CCBE1: variants seen among roughly 807,000 people sequenced by gnomAD.
CCBE1 encodes the protein collagen and calcium binding EGF domains 1.
A neutral mutation model predicts 50.0 loss-of-function variants in CCBE1; 37 were observed. That is an observed-to-expected ratio of 0.74 (90% CI 0.57 to 0.97). The LOEUF (loss-of-function observed/expected upper bound fraction) is 0.97. CCBE1 is among the 50% of genes least tolerant of loss of function. The probability of loss-of-function intolerance (pLI) is 0.00; values close to 1 mark genes in which losing one functional copy is unlikely to be tolerated. For synonymous variants in CCBE1, 234 were observed against 203.7 expected (o/e 1.15, Z -1.27); for missense variants, 538 against 523.8 (o/e 1.03, Z -0.26).
chr18:59,457,130 A>G (rs898342028), intron 5 of CCBE1, among the ~76,000 whole-genome samples: 1 of 152,216 alleles, frequency 6.6e-6, no homozygotes, highest in Non-Finnish European at 1.5e-5. Context: ...GGCAGTTTTT[A>G]AAAATCCACT....
chr18:59,529,802 C>T (rs1043263972), intron 2 of CCBE1, among the ~76,000 whole-genome samples: 2 of 152,102 alleles, frequency 1.3e-5, no homozygotes, highest in Admixed American at 1.3e-4. Context: ...TTGATCTTGG[C>T]CCCTCCTAGC....
At chr18:59,534,072 T>C (rs1477319793) in intron 2 of CCBE1, among the ~76,000 whole-genome samples, 2 of 151,620 alleles carry the variant, frequency 1.3e-5, no homozygotes, top group African/African-American at 4.9e-5. Flanking sequence ...TTTTCAAAAG[T>C]GTTCGATTCC....
chr18:59,488,717 A>G (rs560090036), intron 2 of CCBE1, among the ~76,000 whole-genome samples: 5 of 152,222 alleles, frequency 3.3e-5, no homozygotes, highest in South Asian at 2.1e-4. Flanking sequence ...TTCTAACTCA[A>G]TTTCCTCATC....
chr18:59,480,135 G>A, intron 3 of CCBE1, 51 bp downstream of exon 3: 2 of 1,121,608 alleles, frequency 1.8e-6, no homozygotes, highest in Non-Finnish European at 2.7e-6. Flanking sequence ...GATAGACTTT[G>A]AATGATTAGT....
chr18:59,664,442 G>C (rs2054325153), intron 2 of CCBE1, among the ~76,000 whole-genome samples: 1 of 152,118 alleles, frequency 6.6e-6, no homozygotes, highest in African/African-American at 2.4e-5. Context: ...TGGGAGAGAA[G>C]GGGCATAAAC....
chr18:59,584,478 C>T (rs1248766775), intron 2 of CCBE1, among the ~76,000 whole-genome samples: 12 of 151,640 alleles, frequency 7.9e-5, no homozygotes, highest in Admixed American at 2.0e-4. Flanking sequence ...TGTGCACATG[C>T]ACCCGAAAAC....
chr18:59,646,271 G>A (rs1420672123), intron 2 of CCBE1, among the ~76,000 whole-genome samples: 1 of 152,150 alleles, frequency 6.6e-6, no homozygotes, highest in East Asian at 1.9e-4. Context: ...GAATTTGTTG[G>A]GACCCAGCAA....
At chr18:59,478,455 A>G (rs1250722537) in intron 3 of CCBE1, among the ~76,000 whole-genome samples, 1 of 152,206 alleles carries the variant, frequency 6.6e-6, no homozygotes, top group African/African-American at 2.4e-5. Context: ...TAAAACAAAC[A>G]TGCTATGAAA....
intron 2 of CCBE1, among the ~76,000 whole-genome samples, chr18:59,596,907 G>A (rs908150169): frequency 6.6e-6 from 1 of 152,212 alleles, no homozygotes; most frequent in Non-Finnish European, 1.5e-5. Context: ...ACAGTACCAG[G>A]AGAACATGTG....
At chr18:59,465,843 T>C (rs1028744688) in intron 5 of CCBE1, among the ~76,000 whole-genome samples, 5 of 152,166 alleles carry the variant, frequency 3.3e-5, no homozygotes, top group African/African-American at 1.2e-4. Flanking sequence ...CTGCTCATCT[T>C]AGTTTGTCTA....
chr18:59,571,426 A>G (rs574389223), intron 2 of CCBE1, among the ~76,000 whole-genome samples: 33 of 139,994 alleles, frequency 2.4e-4, no homozygotes, highest in African/African-American at 8.1e-4. Context: ...GAATTGAACA[A>G]TGAGAACACT....
At chr18:59,653,399 G>C (rs1381889162) in intron 2 of CCBE1, among the ~76,000 whole-genome samples, 2 of 152,156 alleles carry the variant, frequency 1.3e-5, no homozygotes, top group African/African-American at 4.8e-5. Flanking sequence ...CCATCTGCCT[G>C]GCACAACCAA....
At chr18:59,563,035 T>A (rs1011157560) in intron 2 of CCBE1, among the ~76,000 whole-genome samples, 3 of 152,244 alleles carry the variant, frequency 2.0e-5, no homozygotes, top group Non-Finnish European at 4.4e-5. Context: ...TATGTATTTT[T>A]GTTCTCTGAT....
At chr18:59,661,918 G>C (rs1482199288) in intron 2 of CCBE1, among the ~76,000 whole-genome samples, 1 of 149,964 alleles carries the variant, frequency 6.7e-6, no homozygotes, top group Non-Finnish European at 1.5e-5. Flanking sequence ...AGTGAGCTGA[G>C]ATGGCACCAC....
At chr18:59,679,642 C>G (rs575197526) in intron 2 of CCBE1, among the ~76,000 whole-genome samples, 100 of 151,292 alleles carry the variant, frequency 6.6e-4, no homozygotes, top group Non-Finnish European at 1.1e-3. Flanking sequence ...AAACTTGAAT[C>G]TTTTAATGAT....
At chr18:59,633,985 G>A (rs868243282) in intron 2 of CCBE1, among the ~76,000 whole-genome samples, 3 of 152,158 alleles carry the variant, frequency 2.0e-5, no homozygotes, top group Non-Finnish European at 2.9e-5. Context: ...GCAGATGTAC[G>A]TACAAAATTG....
chr18:59,644,501 C>T (rs563120443), intron 2 of CCBE1, among the ~76,000 whole-genome samples: 137 of 152,344 alleles, frequency 9.0e-4, no homozygotes, highest in Non-Finnish European at 1.6e-3. Flanking sequence ...AACAGCTGCA[C>T]ACTGCAAAAT....
intron 2 of CCBE1, among the ~76,000 whole-genome samples, chr18:59,679,173 C>T (rs1791279): frequency 0.91 from 137,668 of 151,902 alleles, 63,509 homozygotes; most frequent in East Asian, 1. Context: ...CCACAAACAG[C>T]GTCACAACTC....
intron 2 of CCBE1, chr18:59,666,160 AAG>A (rs1325139180): frequency 9.9e-5 from 15 of 152,220 alleles, no homozygotes; most frequent in East Asian, 5.8e-4. Context: ...GCAGCAGGCA[AAG>A]AGAGAGTTTG....
Sources: allele counts gnomAD v4.1 joint callset (sites outside exome capture counted in the v4.1 genomes callset), GRCh38; gene constraint gnomAD v4.1.1; transcripts MANE v1.5; gene names NCBI Gene and HGNC (gene_info 2026-07-23, HGNC 2026-07-21).